Variants in APTX observed in about 807,000 individuals in gnomAD.
APTX encodes the protein aprataxin.
In APTX, 33 loss-of-function variants were observed where a neutral mutation model predicts 42.3. The ratio of observed to expected loss-of-function variants is 0.78; its 90% CI spans 0.59 to 1.04. The LOEUF is 1.04. Ranked by LOEUF, APTX falls within the 50% of genes least tolerant of loss-of-function variation. The probability of loss-of-function intolerance (pLI) is 0.00; values close to 1 mark genes in which losing one functional copy is unlikely to be tolerated. For synonymous variants in APTX, 130 were observed against 146.7 expected, an observed-to-expected ratio of 0.89 and a Z score of 0.82; for missense variants, 421 against 415.1, an observed-to-expected ratio of 1.01 and a Z score of -0.12.
rs1341690163 is a variant in APTX at position 32,986,044 on chromosome 9, AAAAAAAAAAAC to A, written c.484-25_484-15del. ...GCCCAGGGATTCCTAAAAAAAAAACAAAAAAAAAAACAAAAAAAAAAAAAAACAAGCAATGT... is the reference window on the plus strand; with the variant it reads ...GCCCAGGGATTCCTAAAAAAAAAACAAAAAAAAAAAAAAAACAAGCAATGT... On this transcript the variant is annotated splice_polypyrimidine_tract_variant and intron_variant, in intron 4 of 7. Transcript: ENST00000379817. The A allele has an allele frequency of 2.3e-5, 14 of 611,680 alleles. No homozygotes were observed. Among genetic ancestry groups the A allele is most frequent in the Middle Eastern group, 5.7e-4 (1 of 1,766 alleles). 37.9% of individuals were successfully genotyped at this position (611,680 alleles called of 1,614,324 possible).
intron 1 of APTX, among the ~76,000 whole-genome samples, chr9:33,000,625 C>CAAAAAAAAAAAAAAAAAAAAAGAAAAA (rs1836077683): frequency 1.6e-5 from 1 of 63,456 alleles, no homozygotes; most frequent in African/African-American, 5.9e-5. Flanking sequence ...GACTCTGTCT[C>CAAAAAAAAAAAAAAAAAAAAAGAAAAA]AAAAAAAAAA....
Position 33,001,560 on chromosome 9 carries a change from G to C in APTX, c.-5+7C>G. 1 of 1,613,766 alleles carries C rather than the reference G, an allele frequency of 6.2e-7. No individual in the cohort carries two copies. Among genetic ancestry groups the C allele is most frequent in the South Asian group, 1.1e-5 (1 of 91,072 alleles). ...CAGCAGAAGAGATAGGCTGACGACC[G>C]CCTTACCTCCAGAAGTCGGAGACGG... On this transcript the variant is annotated splice_region_variant and intron_variant, in intron 1 of 7. Transcript: ENST00000379817.
intron 4 of APTX, among the ~76,000 whole-genome samples, chr9:32,986,399 G>A (rs1418002963): frequency 6.6e-6 from 1 of 151,850 alleles, no homozygotes; most frequent in East Asian, 1.9e-4. Flanking sequence ...GTTTCACCAG[G>A]TTGGCCATGC....
chr9:33,018,862 G>T (rs1472351631), intron 1 of APTX, among the ~76,000 whole-genome samples: 1 of 152,180 alleles, frequency 6.6e-6, no homozygotes, highest in Non-Finnish European at 1.5e-5. Context: ...CCAGGCAACA[G>T]TGCGAGACTC....
chr9:32,986,298 T>C lies in APTX; in HGVS notation c.484-268A>G, dbSNP rs989425921. ...GGCGTGATCACTGCAACCTCCGAAG[T>C]GATTCTCCTGCCTCAGCCTCCCAAG... On this transcript the variant is annotated intron_variant, in intron 4 of 7. Transcript: ENST00000379817. 13 of 522,828 alleles carry C rather than the reference T, an allele frequency of 2.5e-5. 1 individual carries two copies. Among genetic ancestry groups the C allele is most frequent in the South Asian group, 2.1e-4 (12 of 56,062 alleles). 32.4% of individuals were successfully genotyped at this position (522,828 alleles called of 1,614,324 possible). A position where few individuals can be genotyped will look rare whatever the true frequency, so the allele number is the denominator to read the frequency against.
intron 5 of APTX, 51 bp downstream of exon 5, chr9:32,985,920 G>C (rs1383715047): frequency 1.4e-6 from 2 of 1,456,370 alleles, no homozygotes; most frequent in African/African-American, 1.4e-5. Context: ...CCTCTGTGGA[G>C]TGGTCATTTA....
chr9:33,000,849 T>TTTTC (rs1836228750), intron 1 of APTX, among the ~76,000 whole-genome samples: 1 of 140,264 alleles, frequency 7.1e-6, no homozygotes, highest in Non-Finnish European at 1.6e-5. Flanking sequence ...TTTTTTCTTT[T>TTTTC]TTTTTTTTTT....
chr9:32,988,729 C>T (rs1024368072), intron 2 of APTX, among the ~76,000 whole-genome samples: 6 of 146,428 alleles, frequency 4.1e-5, no homozygotes, highest in African/African-American at 1.5e-4. Flanking sequence ...ATTTCTCACA[C>T]GAACTCTTGA....
chr9:32,987,779 G>C lies in APTX; in HGVS notation c.248C>G (p.Pro83Arg). 6.2e-7 allele frequency: 1 copy of C among 1,614,146 alleles called. No homozygotes were observed. ...ATTCACCATGTGGAGAACCTGGCCA[G>C]GCTGCAGCTTCACCTCTTGGTCCTT... The part of the protein sequence containing the change: ...IGKDQEVKLQ[P>R]GQVLHMVNEL... The change falls in exon 4 of 8, where the codon CCT becomes CGT. Residue 83 changes from proline to arginine, a missense_variant. Transcript: ENST00000379817.
chr9:33,005,445 T>C (rs1447754440), upstream of APTX, among the ~76,000 whole-genome samples: 1 of 152,122 alleles, frequency 6.6e-6, no homozygotes, highest in Non-Finnish European at 1.5e-5. Context: ...GTTTTTGTTT[T>C]TGTTTTTGTG....
chr9:33,005,040 TTTTCA>T (rs1489817784), upstream of APTX, among the ~76,000 whole-genome samples: 5 of 152,188 alleles, frequency 3.3e-5, no homozygotes, highest in African/African-American at 1.2e-4. Flanking sequence ...GATGTTGATC[TTTTCA>T]TAAGCTTCCT....
At chr9:33,005,443 TTTTG>T (rs1458334803), upstream of APTX, among the ~76,000 whole-genome samples, 3 of 152,220 alleles carry the variant, frequency 2.0e-5, no homozygotes, top group East Asian at 3.9e-4. Context: ...TTGTTTTTGT[TTTTG>T]TTTTTGTGAG....
chr9:33,023,703 G>A (rs1838592263), intron 1 of APTX, among the ~76,000 whole-genome samples: 1 of 152,340 alleles, frequency 6.6e-6, no homozygotes, highest in South Asian at 2.1e-4. Flanking sequence ...AAGGTGAAAA[G>A]GCGTATATGG....
At chr9:33,009,565 G>C (rs531056467) in intron 1 of APTX, among the ~76,000 whole-genome samples, 21 of 152,226 alleles carry the variant, frequency 1.4e-4, no homozygotes, top group African/African-American at 5.1e-4. Context: ...GACTGCTTGA[G>C]ACCAGAAGTT....
chr9:33,006,692 T>C (rs780916384), intron 1 of APTX, among the ~76,000 whole-genome samples: 1 of 152,056 alleles, frequency 6.6e-6, no homozygotes, highest in African/African-American at 2.4e-5. Context: ...GGGAGAGGGT[T>C]GTGAGGGCGT....
intron 1 of APTX, among the ~76,000 whole-genome samples, chr9:33,011,912 T>C (rs1383829405): frequency 1.3e-5 from 2 of 152,188 alleles, no homozygotes; most frequent in Non-Finnish European, 2.9e-5. Flanking sequence ...CTCCCACTTG[T>C]CTTTCTTACT....
intron 1 of APTX, among the ~76,000 whole-genome samples, chr9:33,018,930 A>C (rs190122909): frequency 2.6e-5 from 4 of 152,320 alleles, no homozygotes; most frequent in South Asian, 2.1e-4. Flanking sequence ...AAAAATAAGT[A>C]AAGTCTGAGA....
At chr9:32,997,756 G>C (rs976002099) in intron 1 of APTX, among the ~76,000 whole-genome samples, 3 of 152,220 alleles carry the variant, frequency 2.0e-5, no homozygotes, top group African/African-American at 7.2e-5. Context: ...CAGAGCCCTG[G>C]CTGAGAAGCT....
intron 1 of APTX, among the ~76,000 whole-genome samples, chr9:33,022,714 T>G (rs149742452): frequency 5.4e-4 from 83 of 152,364 alleles, no homozygotes; most frequent in Middle Eastern, 3.4e-3. Context: ...GATGACAAAG[T>G]GAAAAGGGCA....
Sources: allele counts gnomAD v4.1 joint callset (sites outside exome capture counted in the v4.1 genomes callset), GRCh38; gene constraint gnomAD v4.1.1; transcripts MANE v1.5; gene names NCBI Gene and HGNC (gene_info 2026-07-23, HGNC 2026-07-21).